MDN1: variants seen among roughly 807,000 people sequenced by gnomAD.
The protein encoded by MDN1 is midasin.
Under a neutral mutation model 669.2 loss-of-function variants are expected in MDN1, and 266 were observed. That is an observed-to-expected ratio of 0.40 (90% CI 0.36 to 0.44). The LOEUF is 0.44. MDN1 is among the 20% of genes least tolerant of loss of function. MDN1 has a pLI of 1.00. For synonymous variants in MDN1, 2,385 were observed against 2,457.1 expected, an observed-to-expected ratio of 0.97 and a Z score of 0.87; for missense variants, 5,940 against 6,754.0, an observed-to-expected ratio of 0.88 and a Z score of 4.22.
chr6:89,654,733 A>C (rs1319090210), intron 92 of MDN1, among the ~76,000 whole-genome samples: 1 of 152,212 alleles, frequency 6.6e-6, no homozygotes, highest in Admixed American at 6.5e-5. Flanking sequence ...AGCAGATTTG[A>C]ATGTTCCCAA....
Position 89,761,720 on chromosome 6 carries a change from T to C in MDN1, c.2385A>G (p.Ala795=), listed in dbSNP as rs376028809. The C allele has an allele frequency of 5.7e-5, 92 of 1,610,878 alleles. No individual in the cohort carries two copies. The highest frequency in any genetic ancestry group is 7.7e-5 in the Non-Finnish European group (91 of 1,178,362). Reference sequence around the variant, plus strand: ...GGGCATGGTTGAGTCTAAGACCAAATGCTTCCCATTTCTCTTTTATGAGTA... The same window carrying C: ...GGGCATGGTTGAGTCTAAGACCAAACGCTTCCCATTTCTCTTTTATGAGTA... The part of the protein sequence containing the change: ...TGLLIKEKWE[A]FGLRLNHAQQ... The change falls in exon 17 of 102, where the codon GCA becomes GCG. Residue 795 remains alanine (A), a synonymous_variant. Coordinates refer to ENST00000369393, the MANE Select transcript of MDN1 (RefSeq NM_014611.3).
At position 89,819,760 on chromosome 6, in the gene MDN1, C is replaced by T; in HGVS notation, c.-153G>A. 2 of 636,150 alleles carry T rather than the reference C, an allele frequency of 3.1e-6. No homozygotes were observed. Among genetic ancestry groups the T allele is most frequent in the South Asian group, 1.8e-5 (1 of 55,602 alleles). The allele number at this position is 636,150 out of a possible 1,614,324, so 39.4% of individuals were successfully genotyped here. The stretch of plus-strand genomic sequence containing the variant: ...AGCGCCTACACCGGGAGAGGGGCAC[C>T]ACACGTGGGTGAGCACACGGCGTTT... On this transcript the variant is annotated 5_prime_UTR_variant, in exon 1 of 102. Coordinates refer to ENST00000369393, the MANE Select transcript of MDN1 (RefSeq NM_014611.3).
chr6:89,723,433 T>C lies in MDN1; in HGVS notation c.5778+79A>G, dbSNP rs530035792. ...TTTTTAGTTAGAGATCCTGATAATT[T>C]GGTAGAACTCTATGTTGAAAAAATA... On this transcript the variant is annotated intron_variant, in intron 39 of 101. Coordinates refer to ENST00000369393, the MANE Select transcript of MDN1 (RefSeq NM_014611.3). The C allele has an allele frequency of 2.1e-5, 19 of 894,788 alleles. No homozygotes were observed. In the African/African-American group the frequency reaches 3.1e-4, roughly 15 times the overall value. 55.4% of individuals were successfully genotyped at this position (894,788 alleles called of 1,614,324 possible).
Position 89,803,042 on chromosome 6 carries a change from G to A in MDN1, c.329+286C>T, listed in dbSNP as rs111231860. Reference sequence around the variant, plus strand: ...AAACCTCATTTACTCCGCTGTATATGCATGTCTTGCCACATGATACAATCC... The same window carrying A: ...AAACCTCATTTACTCCGCTGTATATACATGTCTTGCCACATGATACAATCC... On this transcript the variant is annotated intron_variant, in intron 2 of 101. Transcript: ENST00000369393. Among the ~76,000 whole-genome samples the A allele has an allele frequency of 3.5e-3, 531 of 152,250 alleles. 2 individuals carry two copies. The highest frequency in any genetic ancestry group is 0.012 in the African/African-American group (496 of 41,536).
At chr6:89,812,385 C>T (rs983568329) in intron 1 of MDN1, among the ~76,000 whole-genome samples, 8 of 152,040 alleles carry the variant, frequency 5.3e-5, no homozygotes, top group African/African-American at 1.9e-4. Flanking sequence ...AGCCACTGCA[C>T]CCGGCCAGGA....
At position 89,747,253 on chromosome 6, in the gene MDN1, G is replaced by C. The variant is rs777298138; in HGVS notation, c.3904+76C>G. The stretch of plus-strand genomic sequence containing the variant: ...CAAATGTATGTATCAATCACAATTT[G>C]AGGCAAGATTTGTTTTAATAAAAAG... On this transcript the variant is annotated intron_variant, in intron 27 of 101. Transcript: ENST00000369393. 3.9e-6 allele frequency: 6 copies of C among 1,524,738 alleles called. No homozygotes were observed. In the African/African-American group the frequency reaches 8.3e-5, roughly 21 times the overall value. 94.5% of individuals were successfully genotyped at this position (1,524,738 alleles called of 1,614,324 possible).
chr6:89,664,532 C>T lies in MDN1; in HGVS notation c.14191G>A (p.Glu4731Lys), dbSNP rs774246683. The T allele has an allele frequency of 6.2e-7, 1 of 1,614,000 alleles. No homozygotes were observed. The highest frequency in any genetic ancestry group is 8.5e-7 in the Non-Finnish European group (1 of 1,180,002). ...TCATGCATTTTCCCATCAAAATCTT[C>T]CGACATCTCAATGGCATTATCCTCG... ...KGEDNAIEMS[E>K]DFDGKMHDGE... Residue 4731 changes from glutamate to lysine, a missense_variant, in exon 85 of 102, where the codon GAA (glutamate) becomes AAA (lysine). Physicochemically the swap from Glu to Lys is moderately conservative, Grantham distance 56. Coordinates refer to ENST00000369393, the MANE Select transcript of MDN1 (RefSeq NM_014611.3).
chr6:89,675,512 C>A lies in MDN1; in HGVS notation c.12713G>T (p.Arg4238Leu). ...FSAHLMKMLVRQRRSLTTLSE... is the reference protein window; with the variant it reads ...FSAHLMKMLVLQRRSLTTLSE... ...GAGCGTGGTCAGGGAGCGCCGCTGT[C>A]GGACGAGCATCTTCATCAAATGTGC... The change falls in exon 78 of 102, where the codon CGA becomes CTA. Residue 4238 changes from arginine to leucine, a missense_variant. Transcript: ENST00000369393. 1 of 1,613,862 alleles carries A rather than the reference C, an allele frequency of 6.2e-7. No individual in the cohort carries two copies. The highest frequency in any genetic ancestry group is 8.5e-7 in the Non-Finnish European group (1 of 1,180,016).
At chr6:89,814,835 C>T in intron 1 of MDN1, 1 of 481,782 alleles carries the variant, frequency 2.1e-6, no homozygotes, top group South Asian at 1.5e-5. Context: ...CCAAAGAAGG[C>T]TGCCCCTAAG....
At chr6:89,784,916 G>C in intron 9 of MDN1, 96 bp downstream of exon 9, 1 of 767,782 alleles carries the variant, frequency 1.3e-6, no homozygotes, top group Non-Finnish European at 2.2e-6. Flanking sequence ...CAAAATTTAG[G>C]TTGATGAGGG....
chr6:89,670,827 T>C (rs912520908), intron 83 of MDN1, 92 bp downstream of exon 83: 4 of 1,379,030 alleles, frequency 2.9e-6, no homozygotes, highest in Non-Finnish European at 4.0e-6. Context: ...TTTGTGGTGG[T>C]CCAAAATAAA....
At chr6:89,691,347 G>A (rs1335274041) in intron 63 of MDN1, among the ~76,000 whole-genome samples, 1 of 152,154 alleles carries the variant, frequency 6.6e-6, no homozygotes, top group Admixed American at 6.5e-5. Flanking sequence ...CTTTAAACTG[G>A]CAAAAATTCT....
intron 88 of MDN1, 137 bp downstream of exon 88, chr6:89,661,293 AT>A: frequency 1.0e-6 from 1 of 960,886 alleles, no homozygotes. Flanking sequence ...AAGGCAAACC[AT>A]TTTCTCAGAC....
chr6:89,719,121 T>C lies in MDN1; in HGVS notation c.6057+15A>G. On this transcript the variant is annotated intron_variant, in intron 41 of 101. Coordinates refer to ENST00000369393, the MANE Select transcript of MDN1 (RefSeq NM_014611.3). The stretch of plus-strand genomic sequence containing the variant: ...AAAAATGTCAAAGGATAGAGGATTA[T>C]CCTAGTCTCCTTACCTGAACATCAT... The C allele has an allele frequency of 6.2e-7, 1 of 1,612,006 alleles. No homozygotes were observed. Among genetic ancestry groups the C allele is most frequent in the African/African-American group, 1.3e-5 (1 of 74,982 alleles).
chr6:89,810,016 A>T lies in MDN1; in HGVS notation c.103-6462T>A, dbSNP rs1441792249. Among the ~76,000 whole-genome samples the T allele has an allele frequency of 7.3e-4, 108 of 147,162 alleles. 1 individual carries two copies. The highest frequency in any genetic ancestry group is 2.3e-3 in the South Asian group (11 of 4,744). On this transcript the variant is annotated intron_variant, in intron 1 of 101. Coordinates refer to ENST00000369393, the MANE Select transcript of MDN1 (RefSeq NM_014611.3). ...ACTAAAAAAAAAAAAAAAAAAAAAA[A>T]AAAAAAAAAATTAAGTTTGGAAGAT...
Position 89,699,008 on chromosome 6 carries a change from A to C in MDN1, c.9025T>G (p.Trp3009Gly), listed in dbSNP as rs1446861572. The C allele has an allele frequency of 6.2e-7, 1 of 1,613,720 alleles. No individual in the cohort carries two copies. The highest frequency in any genetic ancestry group is 1.3e-5 in the African/African-American group (1 of 75,066). ...AACATGGAATTAAATAACTCGGACC[A>C]CAAAGATGTAATTTCTTCAGGAGAC... ...KVSPEEITSL[W>G]SELFNSMFMS... The change falls in exon 59 of 102, where the codon TGG becomes GGG. Residue 3009 changes from tryptophan (W) to glycine (G), a missense_variant. Coordinates refer to ENST00000369393, the MANE Select transcript of MDN1 (RefSeq NM_014611.3).
At position 89,749,627 on chromosome 6, in the gene MDN1, T is replaced by C. The variant is rs149234844; in HGVS notation, c.3531A>G (p.Thr1177=). Residue 1177 remains threonine, a synonymous_variant, in exon 25 of 102, where the codon ACA becomes ACG. Transcript: ENST00000369393. ...GTGCTTTAACAACTTCCTGTGTTTC[T>C]GTTACTAGCAATTCACGGTTATCAT... ...LLDDNRELLV[T]ETQEVVKAHP... is the part of the protein sequence containing the mutation. 2.3e-5 allele frequency: 37 copies of C among 1,614,208 alleles called. No individual in the cohort carries two copies. In the African/African-American group the frequency reaches 4.8e-4, roughly 21 times the overall value.
chr6:89,662,135 A>T lies in MDN1; in HGVS notation c.14517T>A (p.Ala4839=). 1 of 1,613,902 alleles carries T rather than the reference A, an allele frequency of 6.2e-7. No individual in the cohort carries two copies. The highest frequency in any genetic ancestry group is 8.5e-7 in the Non-Finnish European group (1 of 1,179,984). The change falls in exon 87 of 102, where the codon GCT becomes GCA. Residue 4839 remains alanine, a synonymous_variant. Coordinates refer to ENST00000369393, the MANE Select transcript of MDN1 (RefSeq NM_014611.3). ...DKKEEKEEAE[A]DDGGQGEDKI... Reference sequence around the variant, plus strand: ...TGTCTTCACCTTGTCCACCATCATCAGCTTCTGCTTCTTCCTTTTCTTCCT... The same window carrying T: ...TGTCTTCACCTTGTCCACCATCATCTGCTTCTGCTTCTTCCTTTTCTTCCT...
intron 78 of MDN1, 69 bp downstream of exon 78, chr6:89,675,395 G>A: frequency 1.5e-6 from 2 of 1,318,970 alleles, no homozygotes; most frequent in Non-Finnish European, 2.1e-6. Flanking sequence ...CCCACATGCA[G>A]CAACTCTGAG....
Sources: allele counts gnomAD v4.1 joint callset (sites outside exome capture counted in the v4.1 genomes callset), GRCh38; gene constraint gnomAD v4.1.1; transcripts MANE v1.5; gene names NCBI Gene and HGNC (gene_info 2026-07-23, HGNC 2026-07-21).